LRP1B: variants seen among roughly 807,000 people sequenced by gnomAD.
LRP1B encodes the protein low-density lipoprotein receptor-related protein 1B.
A neutral mutation model predicts 556.6 loss-of-function variants in LRP1B; 217 were observed. The observed-to-expected ratio is 0.39, with a 90% CI of 0.35 to 0.44. The LOEUF is 0.44. Ranked by LOEUF, LRP1B falls within the 20% of genes least tolerant of loss-of-function variation. LRP1B has a pLI of 1.00. For missense variants in LRP1B, 5,053 were observed against 5,620.8 expected (o/e 0.90, Z 3.23); for synonymous variants, 2,047 against 1,865.8 (o/e 1.10, Z -2.50).
intron 7 of LRP1B, among the ~76,000 whole-genome samples, chr2:141,096,156 A>G (rs564388281): frequency 6.6e-6 from 1 of 152,308 alleles, no homozygotes; most frequent in African/African-American, 2.4e-5. Flanking sequence ...CATGCCAAAT[A>G]TGTTATAATA....
At chr2:140,899,092 A>G in intron 23 of LRP1B, 1 of 237,148 alleles carries the variant, frequency 4.2e-6, no homozygotes, top group Non-Finnish European at 8.5e-6. Context: ...GGAGAGGTTC[A>G]TGGCCACCAA....
chr2:141,392,483 AG>A (rs769674392), intron 3 of LRP1B, among the ~76,000 whole-genome samples: 6,705 of 141,126 alleles, frequency 0.048, 254 homozygotes, highest in African/African-American at 0.094. Flanking sequence ...AAAAAAAAAG[AG>A]AGACTGTCAC....
intron 4 of LRP1B, among the ~76,000 whole-genome samples, chr2:141,252,972 G>A (rs1040188781): frequency 3.9e-5 from 6 of 152,048 alleles, no homozygotes; most frequent in Admixed American, 3.3e-4. Flanking sequence ...TTGTTTTTAC[G>A]TGCTTAATTA....
At position 141,247,302 on chromosome 2, in the gene LRP1B, T is replaced by A. The variant is rs763953417; in HGVS notation, c.516A>T (p.Thr172=). Reference sequence around the variant, plus strand: ...CACAACTGCAAGTGTAGGATCCATGTGTGTTTCTGCAGGTCTGGCTGCATG... The same window carrying A: ...CACAACTGCAAGTGTAGGATCCATGAGTGTTTCTGCAGGTCTGGCTGCATG... The part of the protein sequence containing the change: ...YGTCSQTCRN[T]HGSYTCSCVE... The change falls in exon 5 of 91, where the codon ACA becomes ACT. Residue 172 remains threonine, a synonymous_variant. Coordinates refer to ENST00000389484, the MANE Select transcript of LRP1B (RefSeq NM_018557.3). The A allele has an allele frequency of 6.2e-7, 1 of 1,613,862 alleles. No homozygotes were observed. Among genetic ancestry groups the A allele is most frequent in the East Asian group, 2.2e-5 (1 of 44,856 alleles).
chr2:141,969,124 T>G (rs1355468126), intron 1 of LRP1B, among the ~76,000 whole-genome samples: 1 of 150,836 alleles, frequency 6.6e-6, no homozygotes, highest in Non-Finnish European at 1.5e-5. Context: ...TTTTTTTTTT[T>G]AAAGCTATAC....
intron 6 of LRP1B, among the ~76,000 whole-genome samples, chr2:141,199,124 G>T (rs1466536492): frequency 1.3e-5 from 2 of 152,058 alleles, no homozygotes; most frequent in African/African-American, 4.8e-5. Context: ...TGTGATCAGG[G>T]TTCTGTTTCA....
intron 50 of LRP1B, among the ~76,000 whole-genome samples, chr2:140,515,139 A>G (rs1236328826): frequency 1.3e-5 from 2 of 152,040 alleles, no homozygotes; most frequent in East Asian, 1.9e-4. Context: ...TTAACTTTAA[A>G]TCTATCTTTG....
chr2:141,950,347 C>A (rs1411602485), intron 1 of LRP1B, among the ~76,000 whole-genome samples: 2 of 152,072 alleles, frequency 1.3e-5, no homozygotes, highest in Non-Finnish European at 2.9e-5. Context: ...AACTTGCTAA[C>A]CATTCACTCA....
chr2:141,285,745 CG>C (rs1685690716), intron 3 of LRP1B, among the ~76,000 whole-genome samples: 1 of 144,278 alleles, frequency 6.9e-6, no homozygotes, highest in Non-Finnish European at 1.5e-5. Context: ...TGTGAGCCAC[CG>C]AGCCCGGCCA....
At chr2:141,552,961 A>T (rs561675111) in intron 2 of LRP1B, among the ~76,000 whole-genome samples, 1 of 152,136 alleles carries the variant, frequency 6.6e-6, no homozygotes, top group Non-Finnish European at 1.5e-5. Context: ...AGACCAGAGT[A>T]AGTTAAGTAT....
chr2:140,235,865 A>G (rs1158866574), intron 89 of LRP1B, among the ~76,000 whole-genome samples: 3 of 151,070 alleles, frequency 2.0e-5, no homozygotes, highest in South Asian at 2.1e-4. Flanking sequence ...TTAGTCTGTT[A>G]TATGTATGAA....
chr2:140,413,415 A>C (rs1237779851), intron 66 of LRP1B, among the ~76,000 whole-genome samples: 2 of 152,200 alleles, frequency 1.3e-5, no homozygotes, highest in African/African-American at 2.4e-5. Flanking sequence ...CTAATAGAAA[A>C]TCTGTCACCG....
chr2:140,504,607 C>T (rs955306677), intron 53 of LRP1B, among the ~76,000 whole-genome samples: 36 of 152,218 alleles, frequency 2.4e-4, no homozygotes, highest in African/African-American at 8.7e-4. Flanking sequence ...TCAAAAGATC[C>T]ACAATAAAGT....
At chr2:141,733,032 T>G (rs1488022516) in intron 2 of LRP1B, among the ~76,000 whole-genome samples, 1 of 152,052 alleles carries the variant, frequency 6.6e-6, no homozygotes, top group Non-Finnish European at 1.5e-5. Flanking sequence ...CTGTGCCTAA[T>G]GTGAGGATCA....
At chr2:140,618,124 T>C (rs1279588520) in intron 41 of LRP1B, among the ~76,000 whole-genome samples, 2 of 151,928 alleles carry the variant, frequency 1.3e-5, no homozygotes, top group Non-Finnish European at 2.9e-5. Context: ...TGTTAAAAGA[T>C]TTACAGTCAA....
At chr2:141,595,824 C>T (rs542509200) in intron 2 of LRP1B, among the ~76,000 whole-genome samples, 3 of 152,074 alleles carry the variant, frequency 2.0e-5, no homozygotes, top group South Asian at 2.1e-4. Context: ...AGAAGAATAT[C>T]CAGTGTTGCA....
In LRP1B at chr2:142,127,070, T is replaced by A. The variant is rs529200921; in HGVS notation, c.82+3578A>T. ...AACCATATCACTCATCTAGCACCCT[T>A]TCTAAGAAAATTTCCTTTACCTTCA... On this transcript the variant is annotated intron_variant, in intron 1 of 90. Coordinates refer to ENST00000389484, the MANE Select transcript of LRP1B (RefSeq NM_018557.3). Among the ~76,000 whole-genome samples, 6 of 140,330 alleles carry A rather than the reference T, an allele frequency of 4.3e-5. No individual in the cohort carries two copies. In the Middle Eastern group the frequency reaches 0.014, roughly 337 times the overall value. The allele number at this position is 140,330 out of a possible 152,430, so 92.1% of individuals were successfully genotyped here.
At chr2:140,565,992 C>A (rs147338802) in intron 43 of LRP1B, among the ~76,000 whole-genome samples, 5 of 152,294 alleles carry the variant, frequency 3.3e-5, no homozygotes, top group African/African-American at 1.2e-4. Flanking sequence ...GGCTATGCTT[C>A]CCCCAGAGAA....
intron 7 of LRP1B, among the ~76,000 whole-genome samples, chr2:141,116,053 C>G (rs543746895): frequency 3.2e-4 from 48 of 152,054 alleles, no homozygotes; most frequent in African/African-American, 1.1e-3. Context: ...GGAGAGTTTT[C>G]TTTTTTCCTG....
Sources: gnomAD v4.1 joint callset for allele counts (sites outside exome capture counted in the v4.1 genomes callset) on GRCh38, gnomAD v4.1.1 for gene constraint, MANE v1.5 for transcripts, NCBI Gene and HGNC (gene_info 2026-07-23, HGNC 2026-07-21) for gene names.